RYR3: variants seen among roughly 807,000 people sequenced by gnomAD.
The protein encoded by RYR3 is brain ryanodine receptor-calcium release channel.
Under a neutral mutation model 584.3 loss-of-function variants are expected in RYR3, and 207 were observed. The ratio of observed to expected loss-of-function variants is 0.35; its 90% confidence interval spans 0.32 to 0.40. The LOEUF (loss-of-function observed/expected upper bound fraction) is 0.40, where lower values mean the gene tolerates loss of function less well. Ranked by LOEUF, RYR3 falls within the 10% of genes least tolerant of loss-of-function variation. The pLI, the probability that RYR3 is intolerant of heterozygous loss-of-function variation, is 1.00. For synonymous variants in RYR3, 2,416 were observed against 2,248.5 expected, an observed-to-expected ratio of 1.07 and a Z score of -2.11; for missense variants, 5,616 against 6,089.2, an observed-to-expected ratio of 0.92 and a Z score of 2.59.
intron 38 of RYR3, among the ~76,000 whole-genome samples, chr15:33,688,121 C>G (rs2065147219): frequency 6.6e-6 from 1 of 152,130 alleles, no homozygotes; most frequent in Non-Finnish European, 1.5e-5. Context: ...TCAGAGTGAA[C>G]AGGCAACCTA....
chr15:33,462,587 A>C (rs1006206457), intron 1 of RYR3, among the ~76,000 whole-genome samples: 17 of 152,342 alleles, frequency 1.1e-4, no homozygotes, highest in Middle Eastern at 3.4e-3. Context: ...ACAGTAGCCA[A>C]GGATTCCAGA....
chr15:33,556,774 ACTC>A lies in RYR3; in HGVS notation c.973-6059_973-6057del, dbSNP rs530863551. On this transcript the variant is annotated intron_variant, in intron 10 of 103. Transcript: ENST00000634891. ...GCCAATCCCTTCCTCATTGCCCTTC[ACTC>A]CTCTCTCCCCTGGCTGCACTCACAT... 2.3e-3 allele frequency among the ~76,000 whole-genome samples: 341 copies of A among 151,046 alleles called. 1 individual carries two copies. The highest frequency in any genetic ancestry group is 8.1e-3 in the African/African-American group (332 of 41,130).
At chr15:33,843,420 G>C in intron 91 of RYR3, 68 bp from the exon 92 acceptor site, 1 of 1,077,694 alleles carries the variant, frequency 9.3e-7, no homozygotes, top group Non-Finnish European at 1.4e-6. Context: ...CTGACCTTCT[G>C]TGTGAAAGTA....
At chr15:33,560,378 A>G (rs1035869054) in intron 10 of RYR3, among the ~76,000 whole-genome samples, 2 of 152,324 alleles carry the variant, frequency 1.3e-5, no homozygotes, top group African/African-American at 4.8e-5. Flanking sequence ...AAAAACAAAG[A>G]CACAGAAACA....
chr15:33,606,875 A>G (rs10519836), intron 18 of RYR3, among the ~76,000 whole-genome samples: 37,987 of 152,146 alleles, frequency 0.25, 5,778 homozygotes, highest in Non-Finnish European at 0.34. Context: ...TGACCATCCC[A>G]AGAGATGAGT....
intron 74 of RYR3, among the ~76,000 whole-genome samples, chr15:33,814,885 A>G (rs2076728223): frequency 1.4e-5 from 2 of 142,150 alleles, no homozygotes; most frequent in African/African-American, 5.4e-5. Flanking sequence ...TGGGCAACAG[A>G]ACAAGACTCT....
At chr15:33,335,799 ATTTG>A (rs1595752490) in intron 1 of RYR3, among the ~76,000 whole-genome samples, 1 of 151,904 alleles carries the variant, frequency 6.6e-6, no homozygotes. Flanking sequence ...CTATTTATGT[ATTTG>A]TTTATTTATT....
intron 17 of RYR3, among the ~76,000 whole-genome samples, chr15:33,602,731 G>GTTTTTTTTTTTTTTTTTTTTTTT (rs1567639568): frequency 1.1e-5 from 1 of 88,022 alleles, no homozygotes. Flanking sequence ...GCTTTTTCTA[G>GTTTTTTTTTTTTTTTTTTTTTTT]TCTTTTTTTT....
chr15:33,821,689 TAC>T (rs2077116784), intron 80 of RYR3, 87 bp downstream of exon 80: 3 of 1,323,980 alleles, frequency 2.3e-6, no homozygotes, highest in Non-Finnish European at 3.2e-6. Context: ...AGTTGACTGC[TAC>T]AGAGGGGAGC....
At chr15:33,569,140 T>G (rs2057880583) in intron 12 of RYR3, among the ~76,000 whole-genome samples, 1 of 152,210 alleles carries the variant, frequency 6.6e-6, no homozygotes, top group African/African-American at 2.4e-5. Flanking sequence ...TTTTGATTAC[T>G]AAGAACAATG....
chr15:33,527,439 G>T (rs1007267596), intron 3 of RYR3, among the ~76,000 whole-genome samples: 1 of 152,030 alleles, frequency 6.6e-6, no homozygotes, highest in Non-Finnish European at 1.5e-5. Context: ...AATTAGCTGG[G>T]TGTGGCAGTG....
In RYR3 at chr15:33,853,632, C is replaced by G. The variant is rs1260585204; in HGVS notation, c.13749C>G (p.Asp4583Glu). 3 of 1,614,006 alleles carry G rather than the reference C, an allele frequency of 1.9e-6. No individual in the cohort carries two copies. The highest frequency in any genetic ancestry group is 2.5e-6 in the Non-Finnish European group (3 of 1,179,892). ...TGGGTTTGGACAAAAATGCTCTTGA[C>G]TTTAGCCCAGTAGAAGAGACCAAAG... ...ELLGLDKNAL[D>E]FSPVEETKAE... Residue 4583 changes from aspartate (D) to glutamate (E), a missense_variant, in exon 96 of 104, where the codon GAC (aspartate) becomes GAG (glutamate). Transcript: ENST00000634891.
At chr15:33,514,727 A>C (rs571383091) in intron 3 of RYR3, among the ~76,000 whole-genome samples, 52 of 151,896 alleles carry the variant, frequency 3.4e-4, no homozygotes, top group African/African-American at 1.1e-3. Flanking sequence ...GTTGGCCAGG[A>C]GCGGTGGCTC....
In RYR3 at chr15:33,865,550, G is replaced by T; in HGVS notation, c.*324G>T. 1 of 260,354 alleles carries T rather than the reference G, an allele frequency of 3.8e-6. No individual in the cohort carries two copies. The highest frequency in any genetic ancestry group is 7.4e-6 in the Non-Finnish European group (1 of 135,892). The allele number at this position is 260,354 out of a possible 1,614,324, so 16.1% of individuals were successfully genotyped here. A position where few individuals can be genotyped will look rare whatever the true frequency, so the allele number is the denominator to read the frequency against. On this transcript the variant is annotated 3_prime_UTR_variant, in exon 104 of 104. Coordinates refer to ENST00000634891, the MANE Select transcript of RYR3 (RefSeq NM_001036.6). The stretch of plus-strand genomic sequence containing the variant: ...TGGAAGCATGAAGGAAAGGGCTAGA[G>T]AAGTATGAAATCTCGAATGTGTAAT...
At position 33,813,529 on chromosome 15, in the gene RYR3, A is replaced by G. The variant is rs774880312; in HGVS notation, c.10452A>G (p.Lys3484=). 11 of 1,613,974 alleles carry G rather than the reference A, an allele frequency of 6.8e-6. No homozygotes were observed. The highest frequency in any genetic ancestry group is 9.3e-6 in the Non-Finnish European group (11 of 1,179,872). The change falls in exon 74 of 104, where the codon AAA becomes AAG. Residue 3484 remains lysine (K), a synonymous_variant. Transcript: ENST00000634891. ...ACAAACTGTTATCAAAGCAACGGAA[A>G]CGGGCAGTGGTGGCCTGTTTCAGGA... is the stretch of plus-strand genomic sequence containing the variant. ...VWHKLLSKQR[K]RAVVACFRMA... is the part of the protein sequence containing the mutation.
intron 3 of RYR3, among the ~76,000 whole-genome samples, chr15:33,505,781 C>A (rs2052428135): frequency 6.6e-6 from 1 of 152,154 alleles, no homozygotes; most frequent in African/African-American, 2.4e-5. Context: ...TGTGAGCCAC[C>A]ACGCCTGGCC....
At chr15:33,498,609 G>C (rs762318335) in intron 2 of RYR3, among the ~76,000 whole-genome samples, 4 of 152,034 alleles carry the variant, frequency 2.6e-5, no homozygotes, top group Non-Finnish European at 5.9e-5. Context: ...TGAATAGTTT[G>C]CAAATATTTT....
chr15:33,547,317 G>A (rs566212737), intron 8 of RYR3, among the ~76,000 whole-genome samples: 1 of 152,302 alleles, frequency 6.6e-6, no homozygotes, highest in Admixed American at 6.5e-5. Context: ...GCTGAACGCA[G>A]TGTGGTATCC....
chr15:33,794,328 T>TAAAA (rs1437079623), intron 67 of RYR3, among the ~76,000 whole-genome samples: 813 of 33,520 alleles, frequency 0.024, no homozygotes, highest in South Asian at 0.075. Context: ...TATATTTTTA[T>TAAAA]ATATGTTTAT....
Sources: gnomAD v4.1 joint callset for allele counts (sites outside exome capture counted in the v4.1 genomes callset) on GRCh38, gnomAD v4.1.1 for gene constraint, MANE v1.5 for transcripts, NCBI Gene and HGNC (gene_info 2026-07-23, HGNC 2026-07-21) for gene names.